Variants in MECOM observed in about 807,000 individuals in gnomAD.
MECOM encodes MDS1 and EVI1 complex locus.
In MECOM, 13 loss-of-function variants were observed where a neutral mutation model predicts 116.3. That is an observed-to-expected ratio of 0.11 (90% CI 0.07 to 0.18). The LOEUF (loss-of-function observed/expected upper bound fraction) is 0.18, where lower values mean the gene tolerates loss of function less well. Ranked by LOEUF, MECOM falls within the 10% of genes least tolerant of loss-of-function variation. MECOM has a pLI of 1.00. For missense variants in MECOM, 1,299 were observed against 1,509.0 expected, an observed-to-expected ratio of 0.86 and a Z score of 2.31; for synonymous variants, 528 against 535.2, an observed-to-expected ratio of 0.99 and a Z score of 0.19.
intron 2 of MECOM, among the ~76,000 whole-genome samples, chr3:169,226,921 G>T (rs1247575413): frequency 6.6e-6 from 1 of 152,156 alleles, no homozygotes; most frequent in Non-Finnish European, 1.5e-5. Context: ...CATTTGATTT[G>T]AGAGTAGATG....
At chr3:169,247,800 TA>T (rs1461767695) in intron 2 of MECOM, among the ~76,000 whole-genome samples, 2 of 152,238 alleles carry the variant, frequency 1.3e-5, no homozygotes, top group Admixed American at 6.5e-5. Context: ...AGAAATTTTC[TA>T]AAAAATACAA....
intron 1 of MECOM, among the ~76,000 whole-genome samples, chr3:169,486,167 G>A (rs114035809): frequency 0.024 from 3,552 of 150,214 alleles, 113 homozygotes; most frequent in African/African-American, 0.071. Context: ...TTCTTTAAAA[G>A]CAAATCAACA....
chr3:169,663,231 C>T, intron 1 of MECOM, 105 bp downstream of exon 1: 2 of 1,377,374 alleles, frequency 1.5e-6, no homozygotes, highest in Non-Finnish European at 2.0e-6. Context: ...CACCCGGGGC[C>T]CCGGCGCAAG....
intron 1 of MECOM, among the ~76,000 whole-genome samples, chr3:169,598,292 A>G (rs1346043962): frequency 6.6e-6 from 1 of 152,230 alleles, no homozygotes; most frequent in Non-Finnish European, 1.5e-5. Context: ...AATTAGCATT[A>G]GATGCAATTT....
intron 1 of MECOM, among the ~76,000 whole-genome samples, chr3:169,450,388 T>C (rs1405030504): frequency 6.6e-6 from 1 of 152,004 alleles, no homozygotes; most frequent in Non-Finnish European, 1.5e-5. Flanking sequence ...TTCCAAAAGT[T>C]CTTGTTATTT....
In MECOM at chr3:169,459,854, C is replaced by G. The variant is rs546352222; in HGVS notation, c.38-78330G>C. On this transcript the variant is annotated intron_variant, in intron 1 of 16. Coordinates refer to ENST00000651503, the MANE Select transcript of MECOM (RefSeq NM_004991.4). The stretch of plus-strand genomic sequence containing the variant: ...TAGGCCTGTGATGCTCTACCCTATA[C>G]TACTTGTGCAAAAGCATCTGGTGCT... Among the ~76,000 whole-genome samples, 276 of 152,288 alleles carry G rather than the reference C, an allele frequency of 1.8e-3. 2 individuals carry two copies. The highest frequency in any genetic ancestry group is 1.9e-3 in the Non-Finnish European group (130 of 68,020).
At chr3:169,116,831 T>C in intron 7 of MECOM, 92 bp from the exon 8 acceptor site, 3 of 1,466,078 alleles carry the variant, frequency 2.0e-6, no homozygotes, top group Non-Finnish European at 2.7e-6. Context: ...AAAATTTCAA[T>C]TAGGAAGCCA....
intron 1 of MECOM, chr3:169,565,825 G>A: frequency 2.8e-6 from 1 of 352,410 alleles, no homozygotes; most frequent in South Asian, 2.1e-5. Flanking sequence ...TCTCCAACAG[G>A]GGCATATGAG....
At chr3:169,408,182 T>C (rs1052345150) in intron 1 of MECOM, among the ~76,000 whole-genome samples, 1 of 152,130 alleles carries the variant, frequency 6.6e-6, no homozygotes, top group African/African-American at 2.4e-5. Flanking sequence ...AGAGGAAAAC[T>C]TCCGAGAACA....
chr3:169,086,502 C>T lies in MECOM; in HGVS notation c.3586-1459G>A, dbSNP rs138011196. On this transcript the variant is annotated intron_variant, in intron 16 of 16. Transcript: ENST00000651503. ...AATTTTAATCCTGCCTTTAAACCTG[C>T]CTCTACTCACCTAGCTGTGTGATCT... The T allele has an allele frequency of 2.9e-4, 197 of 688,576 alleles. No homozygotes were observed. The African/African-American group carries it at 3.1e-3, about 11-fold the overall frequency. The allele number at this position is 688,576 out of a possible 1,614,324, so 42.7% of individuals were successfully genotyped here.
intron 2 of MECOM, among the ~76,000 whole-genome samples, chr3:169,151,276 A>T (rs2149325949): frequency 6.6e-6 from 1 of 152,336 alleles, no homozygotes; most frequent in South Asian, 2.1e-4. Context: ...CAGCACTGTA[A>T]CACTCTGCAG....
At chr3:169,442,299 G>A (rs184110451) in intron 1 of MECOM, among the ~76,000 whole-genome samples, 1 of 152,142 alleles carries the variant, frequency 6.6e-6, no homozygotes, top group African/African-American at 2.4e-5. Flanking sequence ...GACCTCAGAT[G>A]ATCTGCCTAC....
At chr3:169,505,184 C>A (rs1201943265) in intron 1 of MECOM, among the ~76,000 whole-genome samples, 1 of 152,160 alleles carries the variant, frequency 6.6e-6, no homozygotes, top group African/African-American at 2.4e-5. Flanking sequence ...GCCTACTCCT[C>A]ATATACTACT....
At chr3:169,533,337 G>A (rs1188112272) in intron 1 of MECOM, among the ~76,000 whole-genome samples, 4 of 152,142 alleles carry the variant, frequency 2.6e-5, no homozygotes, top group African/African-American at 4.8e-5. Context: ...GCTCCAGGTC[G>A]TGATGGTGGC....
intron 2 of MECOM, among the ~76,000 whole-genome samples, chr3:169,333,585 G>C (rs1723095447): frequency 6.6e-6 from 1 of 151,944 alleles, no homozygotes; most frequent in African/African-American, 2.4e-5. Flanking sequence ...AAAAGTTTCA[G>C]ATATGCTATT....
chr3:169,296,618 C>G (rs1233575385), intron 2 of MECOM, among the ~76,000 whole-genome samples: 3 of 152,084 alleles, frequency 2.0e-5, no homozygotes, highest in African/African-American at 7.2e-5. Flanking sequence ...CCAGCTTTTC[C>G]CAGAGCCAGT....
chr3:169,275,851 T>C (rs1759512460), intron 2 of MECOM, among the ~76,000 whole-genome samples: 1 of 152,230 alleles, frequency 6.6e-6, no homozygotes, highest in South Asian at 2.1e-4. Context: ...TAAGTAAATA[T>C]GAAATTTCAA....
chr3:169,645,893 C>A (rs1774118856), intron 1 of MECOM, among the ~76,000 whole-genome samples: 1 of 152,254 alleles, frequency 6.6e-6, no homozygotes, highest in East Asian at 1.9e-4. Context: ...GAGTCCCATC[C>A]CCAAAGACTC....
chr3:169,110,833 C>T (rs558816257), intron 9 of MECOM, among the ~76,000 whole-genome samples: 7 of 152,248 alleles, frequency 4.6e-5, no homozygotes, highest in African/African-American at 1.7e-4. Context: ...ACGTGACATT[C>T]TGGTGTAGGA....
Sources: allele counts gnomAD v4.1 joint callset (sites outside exome capture counted in the v4.1 genomes callset), GRCh38; gene constraint gnomAD v4.1.1; transcripts MANE v1.5; gene names NCBI Gene and HGNC (gene_info 2026-07-23, HGNC 2026-07-21).